The following ATP8A2 variants were observed in gnomAD, a reference collection of about 807,000 sequenced individuals.
ATP8A2 encodes phospholipid-transporting ATPase IB.
ATP8A2 carries 100 observed loss-of-function variants against 165.6 expected under a neutral mutation model. That is an observed-to-expected ratio of 0.60 (90% CI 0.51 to 0.71). The LOEUF is 0.71. Ranked by LOEUF, ATP8A2 falls within the 30% of genes least tolerant of loss-of-function variation. ATP8A2 has a pLI of 0.00. For missense variants in ATP8A2, 1,227 were observed against 1,479.5 expected (o/e 0.83, Z 2.80); for synonymous variants, 543 against 548.8 (o/e 0.99, Z 0.15).
At chr13:25,547,959 C>A (rs568520290) in intron 10 of ATP8A2, among the ~76,000 whole-genome samples, 234 of 152,278 alleles carry the variant, frequency 1.5e-3, no homozygotes, top group Middle Eastern at 3.4e-3. Flanking sequence ...TGCGGTGGCT[C>A]ACACCTGTAA....
At chr13:25,589,283 T>C (rs2138290175) in intron 23 of ATP8A2, among the ~76,000 whole-genome samples, 1 of 152,294 alleles carries the variant, frequency 6.6e-6, no homozygotes, top group African/African-American at 2.4e-5. Flanking sequence ...TGGGTGTGTG[T>C]GTGCTGATTT....
intron 26 of ATP8A2, among the ~76,000 whole-genome samples, chr13:25,772,284 C>G (rs1337000085): frequency 6.6e-6 from 1 of 152,082 alleles, no homozygotes; most frequent in African/African-American, 2.4e-5. Context: ...TTAGAATATA[C>G]ATTTTTTTTT....
At chr13:25,562,772 T>C (rs1324578200) in intron 15 of ATP8A2, among the ~76,000 whole-genome samples, 1 of 152,224 alleles carries the variant, frequency 6.6e-6, no homozygotes, top group East Asian at 1.9e-4. Flanking sequence ...GGCTCAGGAC[T>C]ACTCTGGTTT....
intron 2 of ATP8A2, among the ~76,000 whole-genome samples, chr13:25,517,443 T>A (rs1231288392): frequency 1.3e-5 from 2 of 152,322 alleles, no homozygotes; most frequent in Non-Finnish European, 2.9e-5. Context: ...TGAGATAAAG[T>A]GTTTCATGTC....
chr13:25,631,523 G>C (rs139083740), intron 24 of ATP8A2, among the ~76,000 whole-genome samples: 3 of 152,232 alleles, frequency 2.0e-5, no homozygotes, highest in Non-Finnish European at 2.9e-5. Flanking sequence ...ATTTTGTCAA[G>C]TGCTGGATAA....
chr13:25,997,616 A>G (rs954128696), intron 35 of ATP8A2, among the ~76,000 whole-genome samples: 6 of 151,998 alleles, frequency 3.9e-5, no homozygotes, highest in African/African-American at 1.5e-4. Flanking sequence ...GTTAATTTTT[A>G]TAGTCTATTT....
intron 24 of ATP8A2, among the ~76,000 whole-genome samples, chr13:25,608,851 C>CT (rs1259364133): frequency 6.6e-6 from 1 of 152,152 alleles, no homozygotes; most frequent in Non-Finnish European, 1.5e-5. Flanking sequence ...TCTGTGAGTG[C>CT]TATGCCCTTG....
intron 33 of ATP8A2, among the ~76,000 whole-genome samples, chr13:25,883,581 T>C (rs1234715393): frequency 2.6e-5 from 4 of 152,216 alleles, no homozygotes. Context: ...GACAGGCCCG[T>C]GTCTTCACTC....
At chr13:25,791,347 C>T (rs777323539) in intron 27 of ATP8A2, among the ~76,000 whole-genome samples, 151 of 151,960 alleles carry the variant, frequency 9.9e-4, no homozygotes, top group Non-Finnish European at 1.7e-3. Flanking sequence ...CATACAGACA[C>T]AAAGAAGGGA....
chr13:25,949,422 AT>A lies in ATP8A2; in HGVS notation c.3184-12152del, dbSNP rs140513773. ...AGTCTGAATTATCAGGGGTTTGGCA[AT>A]CGTTAGGCATCCAATTTTTCTCTCC... is the stretch of plus-strand genomic sequence containing the variant. On this transcript the variant is annotated intron_variant, in intron 33 of 36. Coordinates refer to ENST00000381655, the MANE Select transcript of ATP8A2 (RefSeq NM_016529.6). Among the ~76,000 whole-genome samples the A allele has an allele frequency of 9.2e-3, 1,395 of 152,324 alleles. 30 individuals carry two copies. Among genetic ancestry groups the A allele is most frequent in the East Asian group, 0.071 (365 of 5,174 alleles).
At chr13:25,554,450 G>A (rs990861624) in intron 12 of ATP8A2, among the ~76,000 whole-genome samples, 16 of 151,998 alleles carry the variant, frequency 1.1e-4, no homozygotes, top group African/African-American at 3.6e-4. Context: ...AGAATCATGA[G>A]TTAGTCTAGG....
At chr13:25,493,091 C>G (rs1215055321) in intron 2 of ATP8A2, among the ~76,000 whole-genome samples, 3 of 152,134 alleles carry the variant, frequency 2.0e-5, no homozygotes, top group Non-Finnish European at 2.9e-5. Context: ...CATCAATCTC[C>G]TGTTACAGCT....
At chr13:25,902,842 A>C (rs536178954) in intron 33 of ATP8A2, among the ~76,000 whole-genome samples, 2 of 151,866 alleles carry the variant, frequency 1.3e-5, no homozygotes, top group Non-Finnish European at 2.9e-5. Flanking sequence ...GTGAATTTCC[A>C]GTTTTCAGTA....
chr13:25,806,894 A>C (rs1208333296), intron 27 of ATP8A2, among the ~76,000 whole-genome samples: 2 of 152,070 alleles, frequency 1.3e-5, no homozygotes, highest in Non-Finnish European at 2.9e-5. Context: ...GTGGTATGCC[A>C]TTGTGGTTTT....
intron 25 of ATP8A2, among the ~76,000 whole-genome samples, chr13:25,732,559 A>G (rs2043674926): frequency 6.6e-6 from 1 of 152,240 alleles, no homozygotes; most frequent in South Asian, 2.1e-4. Context: ...GATGAAGTGA[A>G]TCATTTAAAG....
At chr13:25,393,137 T>A (rs2033307233) in intron 1 of ATP8A2, among the ~76,000 whole-genome samples, 1 of 151,300 alleles carries the variant, frequency 6.6e-6, no homozygotes, top group Non-Finnish European at 1.5e-5. Flanking sequence ...TACATACTTT[T>A]TTTTTTTTTT....
At chr13:25,636,959 G>T (rs1177226983) in intron 24 of ATP8A2, among the ~76,000 whole-genome samples, 5 of 151,812 alleles carry the variant, frequency 3.3e-5, no homozygotes, top group Middle Eastern at 3.2e-3. Flanking sequence ...ACACAGTGGT[G>T]CATACCTGTA....
At chr13:25,417,920 G>A (rs935384074) in intron 1 of ATP8A2, among the ~76,000 whole-genome samples, 4 of 152,180 alleles carry the variant, frequency 2.6e-5, no homozygotes, top group Non-Finnish European at 2.9e-5. Context: ...CAGTTGATTG[G>A]CACTCAAGTG....
At chr13:25,907,352 AAAAT>A (rs1162237127) in intron 33 of ATP8A2, among the ~76,000 whole-genome samples, 1 of 150,160 alleles carries the variant, frequency 6.7e-6, no homozygotes, top group African/African-American at 2.5e-5. Flanking sequence ...CTCCATCTCA[AAAAT>A]AAATAAAAAA....
Sources: allele counts gnomAD v4.1 joint callset (sites outside exome capture counted in the v4.1 genomes callset), GRCh38; gene constraint gnomAD v4.1.1; transcripts MANE v1.5; gene names NCBI Gene and HGNC (gene_info 2026-07-23, HGNC 2026-07-21).